Variants in MCOLN2 observed in about 807,000 individuals in gnomAD.
MCOLN2 encodes the protein mucolipin-2.
Under a neutral mutation model 67.5 loss-of-function variants are expected in MCOLN2, and 57 were observed. The observed-to-expected ratio is 0.84, with a 90% CI of 0.68 to 1.05. MCOLN2 has a LOEUF of 1.05. MCOLN2 is among the 50% of genes least tolerant of loss of function. The pLI is 0.00. For synonymous variants in MCOLN2, 246 were observed against 233.3 expected, an observed-to-expected ratio of 1.05 and a Z score of -0.50; for missense variants, 620 against 678.8, an observed-to-expected ratio of 0.91 and a Z score of 0.96.
At chr1:84,989,827 T>C (rs1340857838) in intron 1 of MCOLN2, among the ~76,000 whole-genome samples, 1 of 152,122 alleles carries the variant, frequency 6.6e-6, no homozygotes, top group African/African-American at 2.4e-5. Flanking sequence ...GACAATCCAA[T>C]GTAATAGGCA....
chr1:84,958,478 C>T, intron 3 of MCOLN2, 51 bp downstream of exon 3: 2 of 1,441,658 alleles, frequency 1.4e-6, no homozygotes, highest in Non-Finnish European at 9.3e-7. Context: ...AAGACAAGGC[C>T]AAGTATCAAT....
At chr1:84,954,665 G>A (rs60296374) in intron 4 of MCOLN2, among the ~76,000 whole-genome samples, 6,781 of 152,302 alleles carry the variant, frequency 0.045, 161 homozygotes, top group Middle Eastern at 0.065. Flanking sequence ...CTCAACCAGT[G>A]CACTGAGGAG....
chr1:84,958,019 T>C, intron 3 of MCOLN2, among the ~76,000 whole-genome samples: 1 of 152,342 alleles, frequency 6.6e-6, no homozygotes, highest in Non-Finnish European at 1.5e-5. Context: ...ATTCTTAAGA[T>C]TCAGCTAGGG....
At chr1:84,995,563 T>C (rs1183212636) in intron 1 of MCOLN2, among the ~76,000 whole-genome samples, 1 of 132,680 alleles carries the variant, frequency 7.5e-6, no homozygotes, top group Non-Finnish European at 1.7e-5. Flanking sequence ...AGAGTTTTCT[T>C]TGGCCACTAC....
At position 84,925,930 on chromosome 1, in the gene MCOLN2, C is replaced by T. The variant is rs1172782190; in HGVS notation, c.*755G>A. On this transcript the variant is annotated 3_prime_UTR_variant, in exon 14 of 14. Transcript: ENST00000370608. ...TTTGAGACAGGATCTCACTCTGTCACCCAGGCTGGAGTGTAGTGGCACGAT... is the reference window on the plus strand; with the variant it reads ...TTTGAGACAGGATCTCACTCTGTCATCCAGGCTGGAGTGTAGTGGCACGAT... The T allele has an allele frequency of 6.6e-6, 1 of 151,754 alleles. No individual in the cohort carries two copies. Among genetic ancestry groups the T allele is most frequent in the Non-Finnish European group, 1.5e-5 (1 of 68,204 alleles). The allele number at this position is 151,754 out of a possible 1,614,324, so 9.4% of individuals were successfully genotyped here. A position where few individuals can be genotyped will look rare whatever the true frequency, so the allele number is the denominator to read the frequency against.
intron 7 of MCOLN2, among the ~76,000 whole-genome samples, chr1:84,942,511 G>C (rs1647847535): frequency 2.6e-5 from 4 of 152,154 alleles, no homozygotes; most frequent in Admixed American, 2.6e-4. Context: ...CATATACAAA[G>C]AGCCCATGAA....
rs929838081 is a variant in MCOLN2 at position 84,965,572 on chromosome 1, T to A, written c.214A>T (p.Lys72Ter). 2.5e-6 allele frequency: 4 copies of A among 1,613,926 alleles called. No homozygotes were observed. The highest frequency in any genetic ancestry group is 3.4e-6 in the Non-Finnish European group (4 of 1,179,954). ...ACCTGTGTGGTGACCATGACTATCT[T>A]CAAAATCTGCAAACCCAGTTTCCAC... ...IPWKLGLQIL[K>*]IVMVTTQLVR... Residue 72 changes from lysine to a stop codon, truncating the protein, a stop_gained, in exon 2 of 14, where the codon AAG becomes TAG. Coordinates refer to ENST00000370608, the MANE Select transcript of MCOLN2 (RefSeq NM_153259.4). LOFTEE classifies it high-confidence loss of function.
At chr1:84,973,296 G>A (rs1197641177) in intron 1 of MCOLN2, among the ~76,000 whole-genome samples, 1 of 152,078 alleles carries the variant, frequency 6.6e-6, no homozygotes, top group Non-Finnish European at 1.5e-5. Flanking sequence ...GGACAATATA[G>A]TGAGACTCTG....
chr1:84,959,891 C>T (rs1648988380), intron 2 of MCOLN2, among the ~76,000 whole-genome samples: 1 of 152,070 alleles, frequency 6.6e-6, no homozygotes, highest in Non-Finnish European at 1.5e-5. Context: ...CAATTCTGAA[C>T]AATTCAGATA....
At chr1:84,961,807 C>A (rs891538235) in intron 2 of MCOLN2, among the ~76,000 whole-genome samples, 5 of 151,854 alleles carry the variant, frequency 3.3e-5, no homozygotes, top group Non-Finnish European at 7.4e-5. Context: ...AATTTAAGAC[C>A]TCATTATGAA....
At chr1:84,951,845 G>A (rs2043884) in intron 6 of MCOLN2, among the ~76,000 whole-genome samples, 14,159 of 152,164 alleles carry the variant, frequency 0.093, 2,017 homozygotes, top group African/African-American at 0.3. Flanking sequence ...GGCCGAGGCA[G>A]GCAGATCACT....
chr1:84,979,677 A>G (rs1329863122), intron 1 of MCOLN2, among the ~76,000 whole-genome samples: 1 of 152,232 alleles, frequency 6.6e-6, no homozygotes, highest in East Asian at 1.9e-4. Context: ...ATATACCTCA[A>G]CATAATAAGA....
chr1:84,996,918 G>A lies in MCOLN2; in HGVS notation c.-46C>T, dbSNP rs1651186953. On this transcript the variant is annotated 5_prime_UTR_variant, in exon 1 of 14. Transcript: ENST00000370608. ...CCAGGGCTCTCGGGATTCGGAACAGGAAACACCGTTCACGGCCGACTCATT... is the reference window on the plus strand; with the variant it reads ...CCAGGGCTCTCGGGATTCGGAACAGAAAACACCGTTCACGGCCGACTCATT... 1 of 1,545,262 alleles carries A rather than the reference G, an allele frequency of 6.5e-7. No individual in the cohort carries two copies. Among genetic ancestry groups the A allele is most frequent in the South Asian group, 1.1e-5 (1 of 89,506 alleles).
At chr1:84,983,483 G>A (rs1012242144) in intron 1 of MCOLN2, among the ~76,000 whole-genome samples, 7 of 151,688 alleles carry the variant, frequency 4.6e-5, no homozygotes, top group Admixed American at 1.3e-4. Flanking sequence ...TGCCCAGACT[G>A]GTCTCAAACT....
chr1:84,964,839 G>A (rs671852), intron 2 of MCOLN2, among the ~76,000 whole-genome samples: 53,745 of 151,912 alleles, frequency 0.35, 9,897 homozygotes, highest in African/African-American at 0.43. Context: ...GACAGGAGGC[G>A]GAGCTCAGGC....
At chr1:84,987,526 A>C (rs1650630411) in intron 1 of MCOLN2, among the ~76,000 whole-genome samples, 1 of 113,372 alleles carries the variant, frequency 8.8e-6, no homozygotes, top group Non-Finnish European at 1.8e-5. Flanking sequence ...GTATATATGT[A>C]TACATCTATG....
chr1:84,958,071 T>G (rs909700802), intron 3 of MCOLN2, among the ~76,000 whole-genome samples: 19 of 152,340 alleles, frequency 1.2e-4, no homozygotes, highest in African/African-American at 4.6e-4. Context: ...ACAGAATCCC[T>G]GATTTTTTTA....
At chr1:84,931,913 A>C (rs2102801241) in intron 11 of MCOLN2, among the ~76,000 whole-genome samples, 1 of 152,058 alleles carries the variant, frequency 6.6e-6, no homozygotes, top group African/African-American at 2.4e-5. Context: ...AGTCCCAGCT[A>C]TTCAGGAGGC....
intron 2 of MCOLN2, among the ~76,000 whole-genome samples, chr1:84,964,967 G>A (rs1290289667): frequency 6.6e-6 from 1 of 152,128 alleles, no homozygotes; most frequent in Non-Finnish European, 1.5e-5. Context: ...AGGGGTTAGG[G>A]ATCCCTGACC....
Sources: gnomAD v4.1 joint callset for allele counts (sites outside exome capture counted in the v4.1 genomes callset) on GRCh38, gnomAD v4.1.1 for gene constraint, MANE v1.5 for transcripts, NCBI Gene and HGNC (gene_info 2026-07-23, HGNC 2026-07-21) for gene names.